The following RREB1 variants were observed in gnomAD, a reference collection of about 807,000 sequenced individuals.
RREB1 encodes ras responsive element binding protein 1.
RREB1 carries 27 observed loss-of-function variants against 117.8 expected under a neutral mutation model. The observed-to-expected ratio is 0.23, with a 90% CI of 0.17 to 0.32. The LOEUF is 0.32. RREB1 is among the 10% of genes least tolerant of loss of function. RREB1 has a pLI of 1.00. For missense variants in RREB1, 2,577 were observed against 2,378.2 expected (o/e 1.08, Z -1.74); for synonymous variants, 1,298 against 1,026.7 (o/e 1.26, Z -5.05).
At chr6:7,154,863 G>A (rs141162467) in intron 1 of RREB1, among the ~76,000 whole-genome samples, 41 of 152,314 alleles carry the variant, frequency 2.7e-4, no homozygotes, top group African/African-American at 9.6e-4. Flanking sequence ...GAAGTGTGGT[G>A]TGCTGGTGAC....
chr6:7,171,806 G>C (rs562716337), intron 1 of RREB1, among the ~76,000 whole-genome samples: 2 of 152,174 alleles, frequency 1.3e-5, no homozygotes, highest in Non-Finnish European at 2.9e-5. Context: ...GGTCAGGAGA[G>C]GGGTGCAGGC....
chr6:7,142,191 G>A (rs1342865830), intron 1 of RREB1, among the ~76,000 whole-genome samples: 1 of 151,942 alleles, frequency 6.6e-6, no homozygotes, highest in African/African-American at 2.4e-5. Flanking sequence ...CTCCAGCCTG[G>A]GCAACAAGAG....
chr6:7,147,843 A>G (rs1395149264), intron 1 of RREB1, among the ~76,000 whole-genome samples: 1 of 151,822 alleles, frequency 6.6e-6, no homozygotes, highest in East Asian at 1.9e-4. Context: ...CAGAAACATC[A>G]GTGAGTTCAG....
At chr6:7,137,225 CAA>C (rs1384490561) in intron 1 of RREB1, among the ~76,000 whole-genome samples, 1 of 152,180 alleles carries the variant, frequency 6.6e-6, no homozygotes, top group Non-Finnish European at 1.5e-5. Flanking sequence ...GGCAAGGGAC[CAA>C]GAGAGTGCCT....
intron 7 of RREB1, among the ~76,000 whole-genome samples, 177 bp from the exon 8 acceptor site, chr6:7,211,396 G>A (rs565348213): frequency 8.5e-5 from 8 of 94,144 alleles, no homozygotes; most frequent in Non-Finnish European, 1.4e-4. Flanking sequence ...GGATGGTAGC[G>A]TTCTGGGAGT....
intron 1 of RREB1, among the ~76,000 whole-genome samples, chr6:7,164,933 G>A (rs555305915): frequency 6.6e-6 from 1 of 152,382 alleles, no homozygotes; most frequent in African/African-American, 2.4e-5. Flanking sequence ...GAATAGTAGT[G>A]TAAACTACAT....
intron 8 of RREB1, 128 bp from the exon 9 acceptor site, chr6:7,226,336 TATC>T (rs1767585214): frequency 6.1e-6 from 4 of 655,084 alleles, no homozygotes; most frequent in Admixed American, 6.7e-5. Flanking sequence ...CTTGACATCA[TATC>T]ATTTTTATTT....
intron 1 of RREB1, among the ~76,000 whole-genome samples, chr6:7,132,678 C>G (rs548438024): frequency 9.8e-5 from 15 of 152,318 alleles, no homozygotes; most frequent in African/African-American, 3.6e-4. Context: ...TTTTGCTCTT[C>G]ACACACAGAT....
intron 4 of RREB1, chr6:7,184,993 AC>A (rs1765006818): frequency 6.6e-6 from 1 of 152,018 alleles, no homozygotes; most frequent in South Asian, 2.1e-4. Context: ...GTTATGTCTT[AC>A]TTTGTTGCTG....
intron 1 of RREB1, among the ~76,000 whole-genome samples, chr6:7,165,603 T>G (rs1262792680): frequency 2.6e-5 from 4 of 152,204 alleles, no homozygotes; most frequent in African/African-American, 9.6e-5. Context: ...AGCTTGGATT[T>G]ACAAATCTGT....
In RREB1 at chr6:7,249,093, G is replaced by GAGAGAGAGAC. The variant is rs1554129702; in HGVS notation, c.*134_*135insCAGAGAGAGA. 7.9e-6 allele frequency: 6 copies of GAGAGAGAGAC among 758,598 alleles called. No homozygotes were observed. Among genetic ancestry groups the GAGAGAGAGAC allele is most frequent in the Admixed American group, 3.2e-5 (1 of 31,686 alleles). The allele number at this position is 758,598 out of a possible 1,614,324, so 47.0% of individuals were successfully genotyped here. Reference sequence around the variant, plus strand: ...AGAGAGAGAGAGAGAGAGAGAGAGAGAGAGAGAGAGACAAGCAGGAGCGTG... The same window carrying GAGAGAGAGAC: ...AGAGAGAGAGAGAGAGAGAGAGAGAGAGAGAGAGACAGAGAGAGAGACAAGCAGGAGCGTG... On this transcript the variant is annotated 3_prime_UTR_variant, in exon 13 of 13. Coordinates refer to ENST00000379938, the MANE Select transcript of RREB1 (RefSeq NM_001003699.4).
chr6:7,231,686 T>G lies in RREB1; in HGVS notation c.3587T>G (p.Phe1196Cys). 6.2e-7 allele frequency: 1 copy of G among 1,612,388 alleles called. No homozygotes were observed. Among genetic ancestry groups the G allele is most frequent in the Non-Finnish European group, 8.5e-7 (1 of 1,178,912 alleles). ...ATTDTNKFSP[F>C]LQTAEDNTQD... Reference sequence around the variant, plus strand: ...ACAGACACCAACAAGTTCAGTCCGTTTCTGCAGACAGCGGAGGACAACACT... The same window carrying G: ...ACAGACACCAACAAGTTCAGTCCGTGTCTGCAGACAGCGGAGGACAACACT... The change falls in exon 10 of 13, where the codon TTT (phenylalanine) becomes TGT (cysteine). Residue 1196 changes from phenylalanine (F) to cysteine (C), a missense_variant. By Grantham distance (205) the Phe-to-Cys change is radical (BLOSUM62 -2). Coordinates refer to ENST00000379938, the MANE Select transcript of RREB1 (RefSeq NM_001003699.4).
intron 9 of RREB1, among the ~76,000 whole-genome samples, chr6:7,227,456 G>A (rs1281141252): frequency 6.6e-6 from 1 of 151,252 alleles, no homozygotes; most frequent in Non-Finnish European, 1.5e-5. Flanking sequence ...CAGAAGAATC[G>A]CTTGAACCCG....
At chr6:7,236,791 C>T (rs930118405) in intron 10 of RREB1, among the ~76,000 whole-genome samples, 7 of 150,358 alleles carry the variant, frequency 4.7e-5, no homozygotes, top group Admixed American at 4.6e-4. Context: ...AAACTATTCT[C>T]ACTGTTCACT....
rs113373703 is a variant in RREB1, at chr6:7,227,941, C to T, written c.898-1056C>T. On this transcript the variant is annotated intron_variant, in intron 9 of 12. Transcript: ENST00000379938. ...AATTAGCTGGGCATAGTGGCACATG[C>T]CTATAATCCCAGCTGCTGGGGAGGC... Among the ~76,000 whole-genome samples, 654 of 152,286 alleles carry T rather than the reference C, an allele frequency of 4.3e-3. 3 individuals carry two copies. Among genetic ancestry groups the T allele is most frequent in the African/African-American group, 0.015 (606 of 41,552 alleles).
intron 1 of RREB1, among the ~76,000 whole-genome samples, chr6:7,127,841 C>T (rs575433160): frequency 4.7e-4 from 72 of 152,232 alleles, no homozygotes; most frequent in African/African-American, 1.3e-3. Context: ...ATCTGGGTCA[C>T]GACTCTGCCC....
chr6:7,172,615 C>T (rs535658422), intron 1 of RREB1, among the ~76,000 whole-genome samples: 29 of 151,950 alleles, frequency 1.9e-4, no homozygotes, highest in Admixed American at 1.3e-4. Flanking sequence ...AAGCAGCTCA[C>T]GGTGCCCCAT....
At chr6:7,211,191 A>G (rs768089811) in intron 7 of RREB1, among the ~76,000 whole-genome samples, 1 of 151,880 alleles carries the variant, frequency 6.6e-6, no homozygotes, top group African/African-American at 2.4e-5. Context: ...CATGCTTTCT[A>G]CCTGTTTTTT....
In RREB1 at chr6:7,229,880, C is replaced by T; in HGVS notation, c.1781C>T (p.Thr594Met). Reference protein sequence around the residue: ...AELPGQPEMKTQLEQDSIIEA... With the variant: ...AELPGQPEMKMQLEQDSIIEA... ...CTGCCGGGCCAGCCTGAGATGAAGA[C>T]GCAGCTGGAGCAGGACAGCATCATC... Residue 594 changes from threonine to methionine, a missense_variant, in exon 10 of 13, where the codon ACG (threonine) becomes ATG (methionine). Physicochemically the swap from Thr to Met is moderately conservative, Grantham distance 81 (BLOSUM62 -1). Coordinates refer to ENST00000379938, the MANE Select transcript of RREB1 (RefSeq NM_001003699.4). The surrounding 1 kb of genome is among the most constrained non-coding windows in gnomAD (Gnocchi z 4.5). The T allele has an allele frequency of 6.2e-7, 1 of 1,610,604 alleles. No homozygotes were observed. The highest frequency in any genetic ancestry group is 8.5e-7 in the Non-Finnish European group (1 of 1,178,458).
Sources: gnomAD v4.1 joint callset for allele counts (sites outside exome capture counted in the v4.1 genomes callset) on GRCh38, gnomAD v4.1.1 for gene constraint, Gnocchi (gnomAD v3.1) non-coding constraint, MANE v1.5 for transcripts, NCBI Gene and HGNC (gene_info 2026-07-23, HGNC 2026-07-21) for gene names.